CXCR5: variants seen among roughly 807,000 people sequenced by gnomAD.
CXCR5 encodes the protein C-X-C chemokine receptor type 5.
A neutral mutation model predicts 5.6 loss-of-function variants in CXCR5; 3 were observed. The ratio of observed to expected loss-of-function variants is 0.54; its 90% CI spans 0.24 to 1.39. The LOEUF is 1.39. Ranked by LOEUF, CXCR5 falls within the 40% of genes most tolerant of loss-of-function variation. CXCR5 has a pLI of 0.16. For synonymous variants in CXCR5, 218 were observed against 219.9 expected (o/e 0.99, Z 0.08); for missense variants, 333 against 494.6 (o/e 0.67, Z 3.10).
intron 1 of CXCR5, chr11:118,886,062 C>CTGTCCCTCAG (rs1939705511): frequency 3.4e-6 from 1 of 297,512 alleles, no homozygotes; most frequent in Non-Finnish European, 6.5e-6. Context: ...GCTTGGCAGA[C>CTGTCCCTCAG]TGTCCCTCAG....
rs1939914614 is a variant in CXCR5, at chr11:118,896,252, A to T, written c.*1589A>T. On this transcript the variant is annotated 3_prime_UTR_variant, in exon 2 of 2. Transcript: ENST00000292174. ...AATTGTTTCAAAATAAAAACCAAGA[A>T]GATGTCTTCACATATTGTATTTATA... is the stretch of plus-strand genomic sequence containing the variant. 1 of 166,074 alleles carries T rather than the reference A, an allele frequency of 6.0e-6. No individual in the cohort carries two copies. Among genetic ancestry groups the T allele is most frequent in the African/African-American group, 2.4e-5 (1 of 41,298 alleles). The allele number at this position is 166,074 out of a possible 1,614,324, so 10.3% of individuals were successfully genotyped here.
rs1337317916 is a variant in CXCR5 at position 118,895,136 on chromosome 11, TGGA to T, written c.*476_*478del. ...CAGAAGCTGAGCACCAGGGGATGAG[TGGA>T]GGTTAAGGCTGAGGAAAGGCCAGCT... is the stretch of plus-strand genomic sequence containing the variant. On this transcript the variant is annotated 3_prime_UTR_variant, in exon 2 of 2. Coordinates refer to ENST00000292174, the MANE Select transcript of CXCR5 (RefSeq NM_001716.5). This position sits in a 1 kb window ranked among gnomAD's most constrained non-coding sequence, Gnocchi z 4.2. 1 of 169,472 alleles carries T rather than the reference TGGA, an allele frequency of 5.9e-6. No individual in the cohort carries two copies. Among genetic ancestry groups the T allele is most frequent in the Non-Finnish European group, 1.4e-5 (1 of 70,340 alleles). 10.5% of individuals were successfully genotyped at this position (169,472 alleles called of 1,614,324 possible).
chr11:118,889,077 C>T (rs1483967225), intron 1 of CXCR5, among the ~76,000 whole-genome samples: 2 of 152,164 alleles, frequency 1.3e-5, no homozygotes, highest in African/African-American at 4.8e-5. Flanking sequence ...TACCACAGGC[C>T]AAGCACTTTG....
At chr11:118,887,850 C>A (rs573078999) in intron 1 of CXCR5, 10 of 152,302 alleles carry the variant, frequency 6.6e-5, no homozygotes, top group Admixed American at 2.6e-4. Context: ...TGTGCTCCCC[C>A]CTGGCCAGAG....
intron 1 of CXCR5, among the ~76,000 whole-genome samples, chr11:118,885,639 A>G (rs991601786): frequency 6.6e-6 from 1 of 152,096 alleles, no homozygotes; most frequent in African/African-American, 2.4e-5. Context: ...TTAGTAACCA[A>G]CTGGAGACCC....
intron 1 of CXCR5, among the ~76,000 whole-genome samples, chr11:118,891,019 A>G (rs2086192716): frequency 6.6e-6 from 1 of 152,176 alleles, no homozygotes; most frequent in Admixed American, 6.5e-5. Context: ...TGCTATGGTC[A>G]CACGTATTAA....
chr11:118,885,828 A>G (rs886671065), intron 1 of CXCR5: 3 of 155,126 alleles, frequency 1.9e-5, no homozygotes, highest in Non-Finnish European at 4.3e-5. Context: ...ACCTCAAATG[A>G]GTGATCCTCA....
Position 118,895,180 on chromosome 11 carries a change from C to G in CXCR5, c.*517C>G, listed in dbSNP as rs576432190. 1 of 167,750 alleles carries G rather than the reference C, an allele frequency of 6.0e-6. No individual in the cohort carries two copies. Among genetic ancestry groups the G allele is most frequent in the Non-Finnish European group, 1.5e-5 (1 of 68,736 alleles). The allele number at this position is 167,750 out of a possible 1,614,324, so 10.4% of individuals were successfully genotyped here. A position where few individuals can be genotyped will look rare whatever the true frequency, so the allele number is the denominator to read the frequency against. ...AAGGCCAGCTGGCAGCAGAGTGTGG[C>G]CTTCGGACAACTCAGTCCCTAAAAA... On this transcript the variant is annotated 3_prime_UTR_variant, in exon 2 of 2. Coordinates refer to ENST00000292174, the MANE Select transcript of CXCR5 (RefSeq NM_001716.5). This position sits in a 1 kb window ranked among gnomAD's most constrained non-coding sequence, Gnocchi z 4.2.
In CXCR5 at chr11:118,894,051, C is replaced by T. The variant is rs767979611; in HGVS notation, c.507C>T (p.Thr169=). 1.9e-6 allele frequency: 3 copies of T among 1,614,016 alleles called. No individual in the cohort carries two copies. Among genetic ancestry groups the T allele is most frequent in the Non-Finnish European group, 2.5e-6 (3 of 1,180,030 alleles). Residue 169 remains threonine, a synonymous_variant, in exon 2 of 2, where the codon ACC becomes ACT. Transcript: ENST00000292174. This position sits in a 1 kb window ranked among gnomAD's most constrained non-coding sequence, Gnocchi z 6.1. ...GCCGCCTCCTCTCCATCCACATCAC[C>T]TGTGGGACCATCTGGCTGGTGGGCT... The part of the protein sequence containing the change: ...RHRRLLSIHI[T]CGTIWLVGFL...
chr11:118,887,954 G>A (rs1939741847), intron 1 of CXCR5, among the ~76,000 whole-genome samples: 1 of 152,222 alleles, frequency 6.6e-6, no homozygotes, highest in Non-Finnish European at 1.5e-5. Context: ...CACGCATGCA[G>A]GCAGCCCTGC....
chr11:118,884,298 C>T (rs1939675321), intron 1 of CXCR5, among the ~76,000 whole-genome samples: 1 of 152,194 alleles, frequency 6.6e-6, no homozygotes, highest in South Asian at 2.1e-4. Flanking sequence ...CCTCTCCATT[C>T]TTTCTCTCCT....
intron 1 of CXCR5, chr11:118,886,153 G>A: frequency 2.9e-6 from 1 of 349,364 alleles, no homozygotes; most frequent in Non-Finnish European, 5.6e-6. Flanking sequence ...AGTATTTATT[G>A]ATTTGTGATG....
At position 118,894,830 on chromosome 11, in the gene CXCR5, C is replaced by T. The variant is rs1939877304; in HGVS notation, c.*167C>T. Reference sequence around the variant, plus strand: ...AACCAACCCCCATTTCTAGAACATCCCTGCCAGCTCTTCTGCCGGCCCTGG... The same window carrying T: ...AACCAACCCCCATTTCTAGAACATCTCTGCCAGCTCTTCTGCCGGCCCTGG... On this transcript the variant is annotated 3_prime_UTR_variant, in exon 2 of 2. Transcript: ENST00000292174. This position sits in a 1 kb window ranked among gnomAD's most constrained non-coding sequence, Gnocchi z 6.1. 1.0e-5 allele frequency: 6 copies of T among 591,136 alleles called. 1 individual carries two copies. Among genetic ancestry groups the T allele is most frequent in the Middle Eastern group, 9.9e-4 (2 of 2,024 alleles). The allele number at this position is 591,136 out of a possible 1,614,324, so 36.6% of individuals were successfully genotyped here.
rs927209691 is a variant in CXCR5, at chr11:118,896,263, C to T, written c.*1600C>T. 6.0e-6 allele frequency: 1 copy of T among 165,564 alleles called. No homozygotes were observed. The highest frequency in any genetic ancestry group is 2.4e-5 in the African/African-American group (1 of 41,342). The allele number at this position is 165,564 out of a possible 1,614,324, so 10.3% of individuals were successfully genotyped here. The stretch of plus-strand genomic sequence containing the variant: ...AATAAAAACCAAGAAGATGTCTTCA[C>T]ATATTGTATTTATATATTTATATTT... On this transcript the variant is annotated 3_prime_UTR_variant, in exon 2 of 2. Coordinates refer to ENST00000292174, the MANE Select transcript of CXCR5 (RefSeq NM_001716.5).
chr11:118,893,490 T>C lies in CXCR5; in HGVS notation c.52-106T>C. Reference sequence around the variant, plus strand: ...TTGAAATTTGAAACTTGACATTTGGTCAGTGGGCCCTATGTAGGAAAAAAC... The same window carrying C: ...TTGAAATTTGAAACTTGACATTTGGCCAGTGGGCCCTATGTAGGAAAAAAC... On this transcript the variant is annotated intron_variant, in intron 1 of 1. Transcript: ENST00000292174. This position sits in a 1 kb window ranked among gnomAD's most constrained non-coding sequence, Gnocchi z 5.7. 6.8e-7 allele frequency: 1 copy of C among 1,471,586 alleles called. No individual in the cohort carries two copies. The highest frequency in any genetic ancestry group is 9.0e-7 in the Non-Finnish European group (1 of 1,108,774). The allele number at this position is 1,471,586 out of a possible 1,614,324, so 91.2% of individuals were successfully genotyped here.
intron 1 of CXCR5, among the ~76,000 whole-genome samples, chr11:118,890,758 A>G (rs891813383): frequency 6.6e-6 from 1 of 152,234 alleles, no homozygotes; most frequent in Non-Finnish European, 1.5e-5. Flanking sequence ...CATTTTCTTC[A>G]ATGAAAGCTT....
At chr11:118,887,442 C>A (rs1020978942) in intron 1 of CXCR5, 3 of 985,282 alleles carry the variant, frequency 3.0e-6, no homozygotes, top group Non-Finnish European at 3.6e-6. Context: ...CTCCCTTAAG[C>A]CTAAAGACTT....
intron 1 of CXCR5, among the ~76,000 whole-genome samples, chr11:118,890,419 C>A (rs563987375): frequency 3.9e-5 from 6 of 152,100 alleles, no homozygotes; most frequent in African/African-American, 1.4e-4. Flanking sequence ...AATGCACACG[C>A]ATCATAAGGA....
chr11:118,887,147 C>T (rs149305213), intron 1 of CXCR5: 114 of 741,904 alleles, frequency 1.5e-4, no homozygotes, highest in East Asian at 5.2e-4. Flanking sequence ...TTCGGGCATA[C>T]AAACTGCAGA....
Sources: allele counts gnomAD v4.1 joint callset (sites outside exome capture counted in the v4.1 genomes callset), GRCh38; gene constraint gnomAD v4.1.1; non-coding constraint Gnocchi (gnomAD v3.1); transcripts MANE v1.5; gene names NCBI Gene and HGNC (gene_info 2026-07-23, HGNC 2026-07-21).